The following CWF19L1 variants were observed in gnomAD, a reference collection of about 807,000 sequenced individuals.
The protein encoded by CWF19L1 is CWF19 like cell cycle control factor 1, also known as CWF19-like protein 1.
In CWF19L1, 60 loss-of-function variants were observed where a neutral mutation model predicts 69.7. The ratio of observed to expected loss-of-function variants is 0.86; its 90% CI spans 0.70 to 1.07. The LOEUF is 1.07. CWF19L1 is among the 50% of genes least tolerant of loss of function. The probability of loss-of-function intolerance (pLI) is 0.00; values close to 1 mark genes in which losing one functional copy is unlikely to be tolerated. For synonymous variants in CWF19L1, 209 were observed against 222.2 expected (o/e 0.94, Z 0.53); for missense variants, 591 against 638.9 (o/e 0.92, Z 0.81).
intron 7 of CWF19L1, chr10:100,248,343 T>C (rs1846899853): frequency 9.8e-7 from 1 of 1,025,328 alleles, no homozygotes; most frequent in Non-Finnish European, 1.5e-6. Flanking sequence ...CTCTGCCCTA[T>C]ATAATGTGGA....
chr10:100,251,935 C>A (rs970022753), intron 6 of CWF19L1, among the ~76,000 whole-genome samples: 3 of 152,158 alleles, frequency 2.0e-5, no homozygotes, highest in African/African-American at 7.2e-5. Context: ...ACAAGACATT[C>A]TTCTAGAATG....
chr10:100,251,505 CTTTTTTTTTT>C (rs1208146959), intron 6 of CWF19L1, among the ~76,000 whole-genome samples: 1 of 88,296 alleles, frequency 1.1e-5, no homozygotes, highest in Non-Finnish European at 2.0e-5. Context: ...GTCTATTGGC[CTTTTTTTTTT>C]TTTTTTTTTT....
chr10:100,255,799 G>A (rs538597602), intron 5 of CWF19L1, among the ~76,000 whole-genome samples: 8 of 151,146 alleles, frequency 5.3e-5, no homozygotes, highest in African/African-American at 1.7e-4. Flanking sequence ...GCGTGGTGGC[G>A]CATGCCTATA....
rs184896823 is a variant in CWF19L1 at position 100,252,573 on chromosome 10, G to A, written c.623+848C>T. The stretch of plus-strand genomic sequence containing the variant: ...TTCTTGGCTGGGCATGGTGGCTCAC[G>A]CCTGTAATCCCAGCACTTTGGGAGG... On this transcript the variant is annotated intron_variant, in intron 6 of 13. Transcript: ENST00000354105. 2.9e-3 allele frequency among the ~76,000 whole-genome samples: 444 copies of A among 152,028 alleles called. 4 individuals are homozygous for A. Among genetic ancestry groups the A allele is most frequent in the African/African-American group, 0.01 (432 of 41,500 alleles).
rs1261339561 is a variant in CWF19L1 at position 100,246,911 on chromosome 10, G to A, written c.733C>T (p.Pro245Ser). ...TCTGCTGCATCCATTAGCTTCATGG[G>A]AACAATACTGAACGCGTAAAGATAC... Reference protein sequence around the residue: ...KKYLYAFSIVPMKLMDAAELV... With the variant: ...KKYLYAFSIVSMKLMDAAELV... Residue 245 changes from proline (P) to serine (S), a missense_variant, in exon 8 of 14, where the codon CCC becomes TCC. This residue lies in a region of CWF19L1 where 458 missense variants were observed against 489.3 expected (regional missense o/e 0.94). Transcript: ENST00000354105. 1.9e-6 allele frequency: 3 copies of A among 1,611,896 alleles called. No homozygotes were observed. The highest frequency in any genetic ancestry group is 2.2e-5 in the East Asian group (1 of 44,876).
At chr10:100,247,009 G>T in intron 7 of CWF19L1, 74 bp from the exon 8 acceptor site, 1 of 1,343,082 alleles carries the variant, frequency 7.4e-7, no homozygotes, top group Non-Finnish European at 1.0e-6. Context: ...ATTTTACTGT[G>T]AAGATTTCAC....
chr10:100,250,350 G>C lies in CWF19L1; in HGVS notation c.624-18C>G. 1.3e-6 allele frequency: 2 copies of C among 1,545,860 alleles called. No individual in the cohort carries two copies. The highest frequency in any genetic ancestry group is 1.8e-6 in the Non-Finnish European group (2 of 1,119,806). The stretch of plus-strand genomic sequence containing the variant: ...TATGGTTTCTACAACATATTTGAGA[G>C]ACAAAAAATTGCAAACAATTTTACT... On this transcript the variant is annotated intron_variant, in intron 6 of 13. Transcript: ENST00000354105.
At chr10:100,243,910 C>A in intron 9 of CWF19L1, 133 bp from the exon 10 acceptor site, 1 of 703,332 alleles carries the variant, frequency 1.4e-6, no homozygotes, top group Non-Finnish European at 2.5e-6. Flanking sequence ...ATGGGCTGAG[C>A]CTGTGCTCCT....
chr10:100,241,360 AC>A (rs1846633449), intron 10 of CWF19L1, among the ~76,000 whole-genome samples: 2 of 152,182 alleles, frequency 1.3e-5, no homozygotes, highest in Admixed American at 6.5e-5. Flanking sequence ...TCAGGTGGAA[AC>A]AACACAGGCA....
At chr10:100,263,115 A>G (rs1224331606) in intron 1 of CWF19L1, among the ~76,000 whole-genome samples, 1 of 152,130 alleles carries the variant, frequency 6.6e-6, no homozygotes, top group Non-Finnish European at 1.5e-5. Context: ...GAATACATTT[A>G]TGTTTCCTCT....
At chr10:100,252,328 A>T (rs1306379396) in intron 6 of CWF19L1, among the ~76,000 whole-genome samples, 1 of 152,014 alleles carries the variant, frequency 6.6e-6, no homozygotes, top group African/African-American at 2.4e-5. Flanking sequence ...CCAGCTACTC[A>T]GGAGGCTGAG....
chr10:100,236,680 G>C (rs927056709), intron 12 of CWF19L1, among the ~76,000 whole-genome samples, 170 bp downstream of exon 12: 28 of 152,194 alleles, frequency 1.8e-4, no homozygotes, highest in African/African-American at 6.8e-4. Flanking sequence ...TGAGGCAGGA[G>C]AATCACTTGA....
chr10:100,233,317 C>T lies in CWF19L1; in HGVS notation c.1527G>A (p.Arg509=), dbSNP rs769814872. 6.2e-7 allele frequency: 1 copy of T among 1,613,896 alleles called. No homozygotes were observed. Among genetic ancestry groups the T allele is most frequent in the Admixed American group, 1.7e-5 (1 of 60,000 alleles). ...CGTCTTCCTTGCTGATCTGACACTG[C>T]CTCCAGTCAGACTTATCAGGAACAT... ...ILNVPDKSDW[R]QCQISKEDEE... is the part of the protein sequence containing the mutation. Residue 509 remains arginine, a synonymous_variant, in exon 14 of 14, where the codon AGG becomes AGA. Coordinates refer to ENST00000354105, the MANE Select transcript of CWF19L1 (RefSeq NM_018294.6).
chr10:100,251,946 A>G (rs1456029849), intron 6 of CWF19L1, among the ~76,000 whole-genome samples: 1 of 152,180 alleles, frequency 6.6e-6, no homozygotes, highest in Non-Finnish European at 1.5e-5. Context: ...TTCTAGAATG[A>G]GTATATGGAG....
chr10:100,260,393 G>GA (rs887298988), intron 3 of CWF19L1, 74 bp from the exon 4 acceptor site: 8 of 769,340 alleles, frequency 1.0e-5, no homozygotes, highest in African/African-American at 5.4e-5. Flanking sequence ...CCTCTCTATA[G>GA]AAAAAATACT....
intron 13 of CWF19L1, 31 bp from the exon 14 acceptor site, chr10:100,233,402 G>C: frequency 6.2e-7 from 1 of 1,602,316 alleles, no homozygotes; most frequent in Non-Finnish European, 8.5e-7. Context: ...AGTCAAAATG[G>C]AAACTATCAG....
chr10:100,249,609 G>C (rs1218433153), intron 7 of CWF19L1, among the ~76,000 whole-genome samples: 2 of 151,974 alleles, frequency 1.3e-5, no homozygotes, highest in Admixed American at 1.3e-4. Flanking sequence ...TCCCGAGACA[G>C]AGTCTCACTT....
chr10:100,238,927 G>A (rs1401673983), intron 10 of CWF19L1, among the ~76,000 whole-genome samples: 2 of 100,482 alleles, frequency 2.0e-5, no homozygotes, highest in South Asian at 3.5e-4. Flanking sequence ...GCGAGACTCC[G>A]TCTCCAAAAA....
intron 12 of CWF19L1, among the ~76,000 whole-genome samples, chr10:100,236,266 C>T (rs996641368): frequency 6.6e-6 from 1 of 151,956 alleles, no homozygotes; most frequent in Non-Finnish European, 1.5e-5. Flanking sequence ...GCCACCATGC[C>T]AAGCTTATTT....
Sources: gnomAD v4.1 joint callset for allele counts (sites outside exome capture counted in the v4.1 genomes callset) on GRCh38, gnomAD v4.1.1 for gene constraint, gnomAD v4.1.1 regional missense constraint, MANE v1.5 for transcripts, NCBI Gene and HGNC (gene_info 2026-07-23, HGNC 2026-07-21) for gene names.